The following AFTPH variants were observed in gnomAD, a reference collection of about 807,000 sequenced individuals.
AFTPH encodes aftiphilin, also known as aftiphilin protein.
A neutral mutation model predicts 72.5 loss-of-function variants in AFTPH; 7 were observed. The ratio of observed to expected loss-of-function variants is 0.10; its 90% CI spans 0.05 to 0.18. AFTPH has a LOEUF of 0.18. Ranked by LOEUF, AFTPH falls within the 10% of genes least tolerant of loss-of-function variation. The probability of loss-of-function intolerance (pLI) is 1.00; values close to 1 mark genes in which losing one functional copy is unlikely to be tolerated. For synonymous variants in AFTPH, 337 were observed against 370.1 expected, an observed-to-expected ratio of 0.91 and a Z score of 1.03; for missense variants, 979 against 1,060.5, an observed-to-expected ratio of 0.92 and a Z score of 1.07.
chr2:64,563,563 T>C (rs1671866044), intron 2 of AFTPH, among the ~76,000 whole-genome samples: 1 of 152,242 alleles, frequency 6.6e-6, no homozygotes, highest in Non-Finnish European at 1.5e-5. Flanking sequence ...TTACATTAGT[T>C]ATATTCTTGT....
At chr2:64,552,248 A>G (rs150198863) in exon 2 of AFTPH, 1 of 1,614,044 alleles carries the variant, frequency 6.2e-7, no homozygotes, top group South Asian at 1.1e-5. Flanking sequence ...ATAGAGAAGC[A>G]CTAACCATTC....
chr2:64,586,405 A>T (rs1226542561), intron 8 of AFTPH, among the ~76,000 whole-genome samples: 2 of 152,204 alleles, frequency 1.3e-5, no homozygotes, highest in African/African-American at 2.4e-5. Context: ...TCCCAATCAC[A>T]TGTTAAATTC....
chr2:64,567,738 A>G (rs1672171629), intron 3 of AFTPH, 25 bp downstream of exon 3: 3 of 1,587,282 alleles, frequency 1.9e-6, no homozygotes, highest in Non-Finnish European at 2.6e-6. Context: ...GTTTTTAGAT[A>G]GCATGTGTTT....
chr2:64,547,847 G>A (rs1670744749), intron 1 of AFTPH, among the ~76,000 whole-genome samples: 2 of 151,986 alleles, frequency 1.3e-5, no homozygotes, highest in Non-Finnish European at 2.9e-5. Flanking sequence ...GTACAGTGGT[G>A]TGATCACAGC....
At chr2:64,528,031 C>G (rs1175726462) in intron 1 of AFTPH, among the ~76,000 whole-genome samples, 3 of 152,234 alleles carry the variant, frequency 2.0e-5, no homozygotes, top group African/African-American at 7.2e-5. Flanking sequence ...TGATTTAAGA[C>G]TCCATCCTAT....
At chr2:64,534,107 GT>G (rs11313546) in intron 1 of AFTPH, among the ~76,000 whole-genome samples, 5,390 of 152,162 alleles carry the variant, frequency 0.035, 346 homozygotes, top group African/African-American at 0.12. Flanking sequence ...GATTGCTTAA[GT>G]TTTGTAGTAT....
At chr2:64,548,265 C>T (rs990229937) in intron 1 of AFTPH, among the ~76,000 whole-genome samples, 1 of 145,910 alleles carries the variant, frequency 6.9e-6, no homozygotes, top group East Asian at 2.0e-4. Context: ...CGGTGGCGGG[C>T]GCCTGTAGTC....
At chr2:64,563,010 A>T (rs1014790782) in intron 2 of AFTPH, among the ~76,000 whole-genome samples, 70 of 152,206 alleles carry the variant, frequency 4.6e-4, no homozygotes, top group African/African-American at 1.6e-3. Context: ...TGTTTGATGC[A>T]ACCTTTTTCT....
intron 7 of AFTPH, chr2:64,581,221 T>C: frequency 6.2e-7 from 1 of 1,601,234 alleles, no homozygotes; most frequent in Non-Finnish European, 8.5e-7. Flanking sequence ...TGAACCTTGA[T>C]TTCTTTGGGC....
intron 1 of AFTPH, among the ~76,000 whole-genome samples, chr2:64,546,594 A>G (rs1401042531): frequency 1.7e-4 from 26 of 152,166 alleles, no homozygotes; most frequent in Admixed American, 1.7e-3. Flanking sequence ...TTTTGAAACA[A>G]TCACAAACAT....
intron 6 of AFTPH, among the ~76,000 whole-genome samples, chr2:64,573,996 C>G (rs1001247812): frequency 6.6e-6 from 1 of 152,134 alleles, no homozygotes; most frequent in African/African-American, 2.4e-5. Context: ...CTCCTTGGCA[C>G]ACTTAAGCAC....
intron 1 of AFTPH, among the ~76,000 whole-genome samples, chr2:64,544,990 G>A (rs1335192043): frequency 6.6e-6 from 1 of 152,154 alleles, no homozygotes; most frequent in Non-Finnish European, 1.5e-5. Flanking sequence ...CCTTGCAAAG[G>A]TATGACAGGA....
chr2:64,591,701 A>C (rs1325519602), intron 8 of AFTPH, among the ~76,000 whole-genome samples, 187 bp from the exon 10 acceptor site: 2 of 152,130 alleles, frequency 1.3e-5, no homozygotes, highest in Non-Finnish European at 2.9e-5. Flanking sequence ...GTCACTCTTC[A>C]TGAGATTTGG....
At chr2:64,552,780 G>T in exon 2 of AFTPH, 3 of 1,614,176 alleles carry the variant, frequency 1.9e-6, no homozygotes, top group Non-Finnish European at 2.5e-6. Flanking sequence ...TGGTGATTTT[G>T]GTGACTTTGG....
intron 1 of AFTPH, among the ~76,000 whole-genome samples, chr2:64,541,694 T>C (rs890249162): frequency 2.0e-5 from 3 of 152,162 alleles, no homozygotes; most frequent in Non-Finnish European, 4.4e-5. Context: ...TTGGAAGAAT[T>C]TGAACTACTG....
chr2:64,559,159 G>A (rs1465240055), intron 2 of AFTPH, among the ~76,000 whole-genome samples: 1 of 152,104 alleles, frequency 6.6e-6, no homozygotes, highest in African/African-American at 2.4e-5. Context: ...ACACCTCTCT[G>A]GAAAGCTAAA....
Position 64,589,595 on chromosome 2 carries a change from A to ATTT in AFTPH, c.2580-2290_2580-2289insTTT, listed in dbSNP as rs561901490. ...AATGCACAAACTATGAACTGTGTAA[A>ATTT]CTTTTTATTTTAAAATATAATTTCA... On this transcript the variant is annotated intron_variant, in intron 8 of 8. Coordinates refer to ENST00000238856, the Ensembl canonical transcript of AFTPH. 4.2e-3 allele frequency among the ~76,000 whole-genome samples: 458 copies of ATTT among 109,324 alleles called. 10 individuals are homozygous for ATTT. The South Asian group carries it at 0.049, about 12-fold the overall frequency. 71.7% of individuals were successfully genotyped at this position (109,324 alleles called of 152,430 possible).
Position 64,540,724 on chromosome 2 carries a change from T to C in AFTPH, c.-32-10719T>C, listed in dbSNP as rs1670198973. On this transcript the variant is annotated intron_variant, in intron 1 of 8. Transcript: ENST00000238856. ...AAGACAAAATTTTTTGTTGTCACTA[T>C]TGACAGTGTGGCTTTTTTAGGGTGA... 6.6e-5 allele frequency among the ~76,000 whole-genome samples: 10 copies of C among 152,282 alleles called. No individual in the cohort carries two copies. The South Asian group carries it at 1.9e-3, about 28-fold the overall frequency.
intron 6 of AFTPH, among the ~76,000 whole-genome samples, chr2:64,577,924 A>G (rs1294618937): frequency 6.6e-6 from 1 of 152,194 alleles, no homozygotes; most frequent in Non-Finnish European, 1.5e-5. Context: ...ATATCATTAT[A>G]TCACATAGGT....
Sources: gnomAD v4.1 joint callset for allele counts (sites outside exome capture counted in the v4.1 genomes callset) on GRCh38, gnomAD v4.1.1 for gene constraint, MANE v1.5 for transcripts, NCBI Gene and HGNC (gene_info 2026-07-23, HGNC 2026-07-21) for gene names.